Variants in CACNB4 observed in about 807,000 individuals in gnomAD.
CACNB4 encodes the protein calcium voltage-gated channel auxiliary subunit beta 4.
CACNB4 carries 32 observed loss-of-function variants against 71.2 expected under a neutral mutation model. The observed-to-expected ratio is 0.45, with a 90% CI of 0.34 to 0.60. The LOEUF (loss-of-function observed/expected upper bound fraction) is 0.60. Among genes scored for constraint, CACNB4 ranks in the 20% least tolerant of loss-of-function variants. CACNB4 has a pLI of 0.01. For synonymous variants in CACNB4, 231 were observed against 236.9 expected (o/e 0.97, Z 0.23); for missense variants, 464 against 647.9 (o/e 0.72, Z 3.08).
At chr2:152,055,104 C>A (rs1436363633) in intron 2 of CACNB4, among the ~76,000 whole-genome samples, 1 of 152,148 alleles carries the variant, frequency 6.6e-6, no homozygotes, top group Non-Finnish European at 1.5e-5. Flanking sequence ...CGCTGCCTCC[C>A]AGGTTCAAGG....
intron 2 of CACNB4, among the ~76,000 whole-genome samples, chr2:151,952,094 C>T (rs561372417): frequency 8.3e-4 from 126 of 152,252 alleles, no homozygotes; most frequent in Non-Finnish European, 1.5e-3. Context: ...TATGTATATA[C>T]ACCATCTAGG....
chr2:151,905,360 C>G (rs2099854519), intron 2 of CACNB4, among the ~76,000 whole-genome samples: 1 of 152,134 alleles, frequency 6.6e-6, no homozygotes, highest in Admixed American at 6.5e-5. Context: ...ATTGCTTCCC[C>G]CTAAAACACA....
intron 2 of CACNB4, among the ~76,000 whole-genome samples, chr2:151,944,554 G>A (rs1441102691): frequency 6.6e-6 from 1 of 152,186 alleles, no homozygotes; most frequent in Non-Finnish European, 1.5e-5. Flanking sequence ...CACTTGAGGA[G>A]GCCAAGGCAG....
intron 2 of CACNB4, among the ~76,000 whole-genome samples, chr2:152,092,046 T>G (rs1688001003): frequency 6.6e-6 from 1 of 152,212 alleles, no homozygotes; most frequent in Admixed American, 6.5e-5. Context: ...GGCTTGTTTA[T>G]TCAGGGATAA....
intron 4 of CACNB4, 164 bp downstream of exon 4, chr2:151,880,636 T>C: frequency 1.5e-6 from 1 of 681,622 alleles, no homozygotes. Flanking sequence ...GATCTCAGAC[T>C]TCTCAATCTT....
chr2:152,068,725 TG>T (rs753992834), intron 2 of CACNB4, among the ~76,000 whole-genome samples: 27 of 152,040 alleles, frequency 1.8e-4, no homozygotes, highest in South Asian at 4.2e-4. Flanking sequence ...AGGGTCAGGG[TG>T]GTAAGATCAT....
chr2:151,909,462 A>G (rs867818942), intron 2 of CACNB4, among the ~76,000 whole-genome samples: 1 of 137,040 alleles, frequency 7.3e-6, no homozygotes, highest in African/African-American at 2.8e-5. Context: ...AAAAAAAAAA[A>G]CAAAAAATGG....
At chr2:151,981,327 G>A (rs777325881) in intron 2 of CACNB4, among the ~76,000 whole-genome samples, 10 of 64,628 alleles carry the variant, frequency 1.5e-4, no homozygotes, top group Non-Finnish European at 2.1e-4. Flanking sequence ...GAGCCTTGAT[G>A]TCGTTGCCTC....
intron 2 of CACNB4, among the ~76,000 whole-genome samples, chr2:152,055,253 C>T (rs927476943): frequency 6.6e-6 from 1 of 152,202 alleles, no homozygotes. Flanking sequence ...CTCAAGTGAT[C>T]GGCCTGCCTT....
chr2:151,861,038 A>C (rs1195018924), intron 9 of CACNB4: 1 of 519,944 alleles, frequency 1.9e-6, no homozygotes, highest in African/African-American at 2.0e-5. Context: ...ACACAAAAAA[A>C]CCTACTCCAG....
intron 2 of CACNB4, among the ~76,000 whole-genome samples, chr2:151,962,498 T>C (rs2099869919): frequency 6.6e-6 from 1 of 151,954 alleles, no homozygotes; most frequent in East Asian, 1.9e-4. Flanking sequence ...ATCATGCAAA[T>C]GTTTCTTTGA....
intron 2 of CACNB4, among the ~76,000 whole-genome samples, chr2:152,058,295 A>T (rs1317979822): frequency 6.6e-6 from 1 of 152,226 alleles, no homozygotes; most frequent in Admixed American, 6.5e-5. Context: ...TGCTATAAAG[A>T]CACCCAAAAA....
intron 2 of CACNB4, among the ~76,000 whole-genome samples, chr2:151,921,128 C>T (rs2099858885): frequency 6.7e-6 from 1 of 148,418 alleles, no homozygotes; most frequent in African/African-American, 2.5e-5. Context: ...CAGAGCAAGA[C>T]TCCGTCTCAA....
intron 2 of CACNB4, among the ~76,000 whole-genome samples, chr2:152,002,607 C>T (rs1671070012): frequency 6.6e-6 from 1 of 152,218 alleles, no homozygotes; most frequent in African/African-American, 2.4e-5. Context: ...AGTTAATTCA[C>T]CTCTCTGAGA....
rs1480651571 is a variant in CACNB4, at chr2:151,893,481, A to G, written c.148-10111T>C. Among the ~76,000 whole-genome samples, 4 of 152,186 alleles carry G rather than the reference A, an allele frequency of 2.6e-5. No individual in the cohort carries two copies. In the East Asian group the frequency reaches 7.7e-4, roughly 29 times the overall value. ...GATCTCGAACTCCTGAACTCAAGCA[A>G]TCTATCCACCTCAGCCTCCCAAAGT... On this transcript the variant is annotated intron_variant, in intron 2 of 13. Transcript: ENST00000539935.
chr2:152,075,332 G>T (rs1342157658), intron 2 of CACNB4, among the ~76,000 whole-genome samples: 1 of 152,154 alleles, frequency 6.6e-6, no homozygotes, highest in East Asian at 1.9e-4. Flanking sequence ...CAAGTCCTTG[G>T]GAGGTTCACT....
intron 2 of CACNB4, among the ~76,000 whole-genome samples, chr2:151,897,409 GGA>G (rs1394882017): frequency 6.6e-6 from 1 of 152,082 alleles, no homozygotes; most frequent in African/African-American, 2.4e-5. Context: ...ACCAAACCTT[GGA>G]TTTTCTCTTC....
At chr2:151,927,550 G>A (rs372011923) in intron 2 of CACNB4, among the ~76,000 whole-genome samples, 51 of 152,350 alleles carry the variant, frequency 3.3e-4, no homozygotes, top group African/African-American at 1.2e-3. Flanking sequence ...TGGGGAAAGA[G>A]CAGAAGGTAT....
intron 4 of CACNB4, among the ~76,000 whole-genome samples, chr2:151,877,286 C>T (rs2099846681): frequency 6.6e-6 from 1 of 152,090 alleles, no homozygotes; most frequent in South Asian, 2.1e-4. Context: ...AAAGCAGCCA[C>T]AGACAAACAT....
Sources: gnomAD v4.1 joint callset for allele counts (sites outside exome capture counted in the v4.1 genomes callset) on GRCh38, gnomAD v4.1.1 for gene constraint, MANE v1.5 for transcripts, NCBI Gene and HGNC (gene_info 2026-07-23, HGNC 2026-07-21) for gene names.